CYP4A22: variants seen among roughly 807,000 people sequenced by gnomAD.
CYP4A22 encodes cytochrome P450 family 4 subfamily A member 22, also known as cytochrome P450 4A22.
Under a neutral mutation model 56.2 loss-of-function variants are expected in CYP4A22, and 46 were observed. The observed-to-expected ratio is 0.82, with a 90% CI of 0.65 to 1.05. The LOEUF (loss-of-function observed/expected upper bound fraction) is 1.05. Among genes scored for constraint, CYP4A22 ranks in the 50% least tolerant of loss-of-function variants. CYP4A22 has a pLI of 0.00. For synonymous variants in CYP4A22, 193 were observed against 251.1 expected (o/e 0.77, Z 2.19); for missense variants, 541 against 645.9 (o/e 0.84, Z 1.76).
At chr1:47,143,155 A>G (rs2148556558) in intron 4 of CYP4A22, 114 bp from the exon 5 acceptor site, 3 of 1,518,694 alleles carry the variant, frequency 2.0e-6, no homozygotes, top group Admixed American at 2.1e-5. Flanking sequence ...CCCAACCAAG[A>G]TATCTGCAAG....
Position 47,144,708 on chromosome 1 carries a change from T to C in CYP4A22, c.1056T>C (p.His352=), listed in dbSNP as rs56085413. 1.7e-4 allele frequency: 274 copies of C among 1,613,446 alleles called. 1 individual carries two copies. Among genetic ancestry groups the C allele is most frequent in the South Asian group, 9.7e-4 (88 of 90,998 alleles). ...KHQERCREEI[H]GLLGDGASIT... ...AGGAGAGGTGCCGGGAGGAGATCCA[T>C]GGCCTCCTGGGTGATGGAGCCTCCA... is the stretch of plus-strand genomic sequence containing the variant. The change falls in exon 8 of 12, where the codon CAT becomes CAC. Residue 352 remains histidine, a synonymous_variant. Coordinates refer to ENST00000371891, the MANE Select transcript of CYP4A22 (RefSeq NM_001010969.4).
rs17109741 is a variant in CYP4A22 at position 47,140,845 on chromosome 1, T to C, written c.261T>C (p.Pro87=). ...ERVKTFPSAC[P]YWIWGGKVRV... The stretch of plus-strand genomic sequence containing the variant: ...TGAAGACATTCCCAAGTGCCTGTCC[T>C]TATTGGATATGGGGAGGCAAAGTTC... Residue 87 remains proline (P), a synonymous_variant, in exon 2 of 12, where the codon CCT becomes CCC. Coordinates refer to ENST00000371891, the MANE Select transcript of CYP4A22 (RefSeq NM_001010969.4). 5,792 of 1,614,150 alleles carry C rather than the reference T, an allele frequency of 3.6e-3. 185 individuals carry two copies. In the African/African-American group the frequency reaches 0.067, roughly 19 times the overall value.
Position 47,148,605 on chromosome 1 carries a change from C to T in CYP4A22, c.1368C>T (p.Asn456=), listed in dbSNP as rs1327752975. The change falls in exon 12 of 12, where the codon AAC becomes AAT. Residue 456 remains asparagine (N), a synonymous_variant. Transcript: ENST00000371891. ...AFLPFSGGSR[N]CIGKQFAMNQ... ...TCATTGTCTCCGCCTGGCCCAGGAA[C>T]TGCATCGGGAAACAATTTGCCATGA... is the stretch of plus-strand genomic sequence containing the variant. 1 of 1,608,994 alleles carries T rather than the reference C, an allele frequency of 6.2e-7. No homozygotes were observed. The highest frequency in any genetic ancestry group is 1.1e-5 in the South Asian group (1 of 90,222).
At chr1:47,148,471 T>C in intron 11 of CYP4A22, 131 bp from the exon 12 acceptor site, 1 of 1,281,528 alleles carries the variant, frequency 7.8e-7, no homozygotes, top group Non-Finnish European at 1.1e-6. Flanking sequence ...GGGCTGTAAG[T>C]GTGCAGGGGC....
intron 11 of CYP4A22, chr1:47,147,386 A>C (rs1645087966): frequency 1.0e-6 from 1 of 985,104 alleles, no homozygotes; most frequent in African/African-American, 1.7e-5. Flanking sequence ...CATCATTCAA[A>C]TATTAAAGTA....
At chr1:47,142,324 C>A (rs571630424) in intron 4 of CYP4A22, 89 bp downstream of exon 4, 167 of 1,502,406 alleles carry the variant, frequency 1.1e-4, no homozygotes, top group East Asian at 5.2e-4. Flanking sequence ...CCACAGGCAG[C>A]CATAGACATA....
intron 9 of CYP4A22, 82 bp downstream of exon 9, chr1:47,145,052 C>T: frequency 1.3e-6 from 2 of 1,564,556 alleles, no homozygotes; most frequent in Non-Finnish European, 1.7e-6. Flanking sequence ...CTTCAGAGTT[C>T]TGCACATCTC....
Position 47,142,136 on chromosome 1 carries a change from G to C in CYP4A22, c.411G>C (p.Gln137His), listed in dbSNP as rs752724599. 14 of 1,613,608 alleles carry C rather than the reference G, an allele frequency of 8.7e-6. No individual in the cohort carries two copies. The highest frequency in any genetic ancestry group is 3.3e-5 in the Admixed American group (2 of 59,946). Residue 137 changes from glutamine to histidine, a missense_variant, in exon 4 of 12, where the codon CAG becomes CAC. By Grantham distance (24) the Gln-to-His change is conservative. Transcript: ENST00000371891. ...ACGGCTTGCTCCTGTTGAATGGGCAGACATGGTTCCAGCATCGACGGATGC... is the reference window on the plus strand; with the variant it reads ...ACGGCTTGCTCCTGTTGAATGGGCACACATGGTTCCAGCATCGACGGATGC... ...IGYGLLLLNG[Q>H]TWFQHRRMLT...
chr1:47,144,263 T>C, intron 6 of CYP4A22, 94 bp from the exon 7 acceptor site: 1 of 1,477,016 alleles, frequency 6.8e-7, no homozygotes, highest in Non-Finnish European at 9.3e-7. Context: ...TGCTGAGATC[T>C]ACCAGGCACC....
At position 47,140,852 on chromosome 1, in the gene CYP4A22, A is replaced by C. The variant is rs781066663; in HGVS notation, c.268A>C (p.Ile90Leu). Residue 90 changes from isoleucine to leucine, a missense_variant, in exon 2 of 12, where the codon ATA becomes CTA. This residue lies in a region of CYP4A22 where 335 missense variants were observed against 361.2 expected (regional missense o/e 0.93). Coordinates refer to ENST00000371891, the MANE Select transcript of CYP4A22 (RefSeq NM_001010969.4). ...KTFPSACPYWIWGGKVRVQLY... is the reference protein window; with the variant it reads ...KTFPSACPYWLWGGKVRVQLY... ...ATTCCCAAGTGCCTGTCCTTATTGG[A>C]TATGGGGAGGCAAAGTTCGTGTCCA... The C allele has an allele frequency of 2.9e-5, 46 of 1,614,020 alleles. No individual in the cohort carries two copies. Among genetic ancestry groups the C allele is most frequent in the South Asian group, 2.1e-4 (19 of 91,086 alleles).
Position 47,137,549 on chromosome 1 carries a change from A to C in CYP4A22, c.64A>C (p.Thr22Pro). Residue 22 changes from threonine to proline, a missense_variant, in exon 1 of 12, where the codon ACC (threonine) becomes CCC (proline). By Grantham distance (38) the Thr-to-Pro change is conservative. Transcript: ENST00000371891. ...LGGVSGILQV[T>P]SLLILLLLLI... ...TGGTGTCTCCGGGATCCTCCAAGTG[A>C]CCTCCCTGCTCATTCTGCTTCTGCT... 6.2e-7 allele frequency: 1 copy of C among 1,613,826 alleles called. No individual in the cohort carries two copies. Among genetic ancestry groups the C allele is most frequent in the Non-Finnish European group, 8.5e-7 (1 of 1,179,942 alleles).
intron 1 of CYP4A22, 90 bp from the exon 2 acceptor site, chr1:47,140,690 T>C (rs1644997235): frequency 6.4e-7 from 1 of 1,561,522 alleles, no homozygotes; most frequent in Admixed American, 1.8e-5. Context: ...TAACCCGTGC[T>C]ACATGGCTCC....
In CYP4A22 at chr1:47,137,688, G is replaced by A. The variant is rs376888901; in HGVS notation, c.195+8G>A. ...TTCGGGCACATCCAGGAGGTAGGGA[G>A]GAACTCAGTGGGGGAGTGGGAGGGC... is the stretch of plus-strand genomic sequence containing the variant. On this transcript the variant is annotated splice_region_variant and intron_variant, in intron 1 of 11. Transcript: ENST00000371891. The A allele has an allele frequency of 1.6e-5, 26 of 1,603,308 alleles. No homozygotes were observed. Among genetic ancestry groups the A allele is most frequent in the East Asian group, 2.2e-5 (1 of 44,702 alleles).
chr1:47,140,446 C>T (rs1390488013), intron 1 of CYP4A22, among the ~76,000 whole-genome samples: 3 of 152,042 alleles, frequency 2.0e-5, no homozygotes, highest in Non-Finnish European at 4.4e-5. Flanking sequence ...TCTAGATATA[C>T]CAAATGATTT....
rs201521465 is a variant in CYP4A22, at chr1:47,144,695, G to A, written c.1043G>A (p.Arg348Gln). 1.1e-4 allele frequency: 177 copies of A among 1,613,798 alleles called. No individual in the cohort carries two copies. The highest frequency in any genetic ancestry group is 1.3e-4 in the Non-Finnish European group (156 of 1,179,870). Residue 348 changes from arginine to glutamine, a missense_variant, in exon 8 of 12, where the codon CGG becomes CAG. This residue lies in a region of CYP4A22 where 204 missense variants were observed against 258.9 expected (regional missense o/e 0.79). Coordinates refer to ENST00000371891, the MANE Select transcript of CYP4A22 (RefSeq NM_001010969.4). ...ATHPKHQERC[R>Q]EEIHGLLGDG... is the part of the protein sequence containing the mutation. ...CACCCCAAGCATCAGGAGAGGTGCC[G>A]GGAGGAGATCCATGGCCTCCTGGGT...
chr1:47,143,684 G>C, intron 5 of CYP4A22, 78 bp from the exon 6 acceptor site: 1 of 1,511,036 alleles, frequency 6.6e-7, no homozygotes, highest in South Asian at 1.4e-5. Context: ...ATCCGAGGCT[G>C]CCTCCTCTCA....
chr1:47,145,519 AG>A (rs1236948771), intron 9 of CYP4A22, among the ~76,000 whole-genome samples: 7 of 152,248 alleles, frequency 4.6e-5, no homozygotes, highest in African/African-American at 1.7e-4. Context: ...TGAGAGCAAA[AG>A]AATGTCTTCC....
At chr1:47,140,473 A>T (rs751783402) in intron 1 of CYP4A22, among the ~76,000 whole-genome samples, 6 of 152,232 alleles carry the variant, frequency 3.9e-5, no homozygotes, top group Non-Finnish European at 8.8e-5. Flanking sequence ...TCTGCTCATC[A>T]AGTAATACGA....
rs751532910 is a variant in CYP4A22, at chr1:47,146,167, T to C, written c.1364+14T>C. ...AGGAGGATCAAGGTGAGACGTCCTG[T>C]GTGGTAATTGGAATAGAGAAATGAG... is the stretch of plus-strand genomic sequence containing the variant. On this transcript the variant is annotated intron_variant, in intron 11 of 11. Transcript: ENST00000371891. 37 of 1,613,976 alleles carry C rather than the reference T, an allele frequency of 2.3e-5. No individual in the cohort carries two copies. Among genetic ancestry groups the C allele is most frequent in the Middle Eastern group, 3.3e-4 (2 of 6,084 alleles).
Sources: gnomAD v4.1 joint callset for allele counts (sites outside exome capture counted in the v4.1 genomes callset) on GRCh38, gnomAD v4.1.1 for gene constraint, gnomAD v4.1.1 regional missense constraint, MANE v1.5 for transcripts, NCBI Gene and HGNC (gene_info 2026-07-23, HGNC 2026-07-21) for gene names.